Variants in ETV1 observed in about 807,000 individuals in gnomAD.
ETV1 encodes ETS variant transcription factor 1, also known as ETS translocation variant 1.
Under a neutral mutation model 62.3 loss-of-function variants are expected in ETV1, and 27 were observed. The ratio of observed to expected loss-of-function variants is 0.43; its 90% confidence interval spans 0.32 to 0.60. The LOEUF is 0.60. Ranked by LOEUF, ETV1 falls within the 20% of genes least tolerant of loss-of-function variation. ETV1 has a pLI of 0.06. For missense variants in ETV1, 605 were observed against 605.8 expected, an observed-to-expected ratio of 1.00 and a Z score of 0.01; for synonymous variants, 222 against 199.6, an observed-to-expected ratio of 1.11 and a Z score of -0.94.
rs1372656163 is a variant in ETV1, at chr7:13,900,847, G to A, written c.1111-8C>T. 9 of 1,575,948 alleles carry A rather than the reference G, an allele frequency of 5.7e-6. No homozygotes were observed. The highest frequency in any genetic ancestry group is 4.0e-5 in the African/African-American group (3 of 74,154). On this transcript the variant is annotated splice_polypyrimidine_tract_variant and splice_region_variant and intron_variant, in intron 12 of 13. Coordinates refer to ENST00000430479, the MANE Select transcript of ETV1 (RefSeq NM_004956.5). ...GCCCCAACGTCGGGCCACCTGCCGC[G>A]AAACAGAATTACATTGTAGTGTTAA...
In ETV1 at chr7:13,894,025, T is replaced by G. The variant is rs963580565; in HGVS notation, c.*1841A>C. 6 of 232,832 alleles carry G rather than the reference T, an allele frequency of 2.6e-5. No individual in the cohort carries two copies. Among genetic ancestry groups the G allele is most frequent in the Admixed American group, 1.1e-4 (2 of 17,772 alleles). 14.4% of individuals were successfully genotyped at this position (232,832 alleles called of 1,614,324 possible). The stretch of plus-strand genomic sequence containing the variant: ...TTGGGTTTCTTGATAACTGCTCCAC[T>G]TAGAGAAATGAGCTGTGATCTGTGT... On this transcript the variant is annotated 3_prime_UTR_variant, in exon 14 of 14. Transcript: ENST00000430479.
At chr7:13,971,273 A>G (rs1423112656) in intron 6 of ETV1, among the ~76,000 whole-genome samples, 3 of 152,026 alleles carry the variant, frequency 2.0e-5, no homozygotes, top group African/African-American at 4.8e-5. Flanking sequence ...GCCCGACCCA[A>G]ATGCTATTCT....
At chr7:13,908,190 A>G (rs1041693173) in intron 11 of ETV1, among the ~76,000 whole-genome samples, 5 of 152,148 alleles carry the variant, frequency 3.3e-5, no homozygotes, top group Non-Finnish European at 5.9e-5. Context: ...GGCAAATACT[A>G]TCTTCCAAAA....
intron 5 of ETV1, chr7:13,986,043 G>T: frequency 8.2e-7 from 1 of 1,217,700 alleles, no homozygotes; most frequent in Non-Finnish European, 1.2e-6. Context: ...GTAACACATG[G>T]AAAACATTTT....
intron 9 of ETV1, among the ~76,000 whole-genome samples, chr7:13,926,310 T>TA (rs1264905897): frequency 1.3e-5 from 2 of 152,048 alleles, no homozygotes; most frequent in Non-Finnish European, 1.5e-5. Flanking sequence ...CACTACTCCC[T>TA]AAAAAAATCT....
intron 9 of ETV1, among the ~76,000 whole-genome samples, chr7:13,923,963 A>G (rs1379605660): frequency 6.6e-6 from 1 of 152,080 alleles, no homozygotes; most frequent in African/African-American, 2.4e-5. Flanking sequence ...TGAATCAGGG[A>G]GGCGGAGGTT....
At chr7:13,947,053 G>A (rs1311527878) in intron 6 of ETV1, among the ~76,000 whole-genome samples, 1 of 152,174 alleles carries the variant, frequency 6.6e-6, no homozygotes, top group Non-Finnish European at 1.5e-5. Flanking sequence ...TGGGATTATA[G>A]GCGTGAGCCA....
chr7:13,960,791 G>A (rs1790076064), intron 6 of ETV1, among the ~76,000 whole-genome samples: 1 of 152,092 alleles, frequency 6.6e-6, no homozygotes, highest in Non-Finnish European at 1.5e-5. Context: ...TCCAATTGAT[G>A]AAACTCAAAT....
In ETV1 at chr7:13,892,316, C is replaced by G. The variant is rs1033787486; in HGVS notation, c.*3550G>C. On this transcript the variant is annotated 3_prime_UTR_variant, in exon 14 of 14. Coordinates refer to ENST00000430479, the MANE Select transcript of ETV1 (RefSeq NM_004956.5). ...GGGGCTGGGGAAGGATTTGAATAATCTAAAGGCTTGATGTGATTACCAGAC... is the reference window on the plus strand; with the variant it reads ...GGGGCTGGGGAAGGATTTGAATAATGTAAAGGCTTGATGTGATTACCAGAC... 2.6e-5 allele frequency: 6 copies of G among 232,394 alleles called. No homozygotes were observed. The highest frequency in any genetic ancestry group is 1.3e-4 in the African/African-American group (6 of 45,240). 14.4% of individuals were successfully genotyped at this position (232,394 alleles called of 1,614,324 possible).
chr7:13,936,381 G>C (rs976160589), intron 7 of ETV1, among the ~76,000 whole-genome samples: 2 of 152,128 alleles, frequency 1.3e-5, no homozygotes, highest in Non-Finnish European at 2.9e-5. Context: ...ATTTTAAGAA[G>C]GCAATGCTTT....
At chr7:13,916,573 G>A (rs1027706079) in intron 9 of ETV1, among the ~76,000 whole-genome samples, 5 of 152,038 alleles carry the variant, frequency 3.3e-5, no homozygotes, top group African/African-American at 1.2e-4. Flanking sequence ...AGGAGCCGGA[G>A]GTTTCAGTAA....
intron 7 of ETV1, among the ~76,000 whole-genome samples, chr7:13,938,473 A>G (rs1299163205): frequency 2.2e-5 from 3 of 135,318 alleles, no homozygotes; most frequent in Non-Finnish European, 4.5e-5. Context: ...CAGTAGAGAC[A>G]GCCAACTTTT....
At chr7:13,952,214 T>C (rs1788904793) in intron 6 of ETV1, among the ~76,000 whole-genome samples, 1 of 152,136 alleles carries the variant, frequency 6.6e-6, no homozygotes, top group African/African-American at 2.4e-5. Context: ...GGACTAACTG[T>C]GCAACCTCCC....
In ETV1 at chr7:13,891,809, T is replaced by G. The variant is rs1302347245; in HGVS notation, c.*4057A>C. ...CCAATTTGTATTTTTTTAATAATTC[T>G]ATTTCCTCTCTTCTCCATACCAAAT... On this transcript the variant is annotated 3_prime_UTR_variant, in exon 14 of 14. Coordinates refer to ENST00000430479, the MANE Select transcript of ETV1 (RefSeq NM_004956.5). The G allele has an allele frequency of 4.3e-6, 1 of 231,892 alleles. No individual in the cohort carries two copies. The highest frequency in any genetic ancestry group is 2.2e-5 in the African/African-American group (1 of 45,316). 14.4% of individuals were successfully genotyped at this position (231,892 alleles called of 1,614,324 possible).
In ETV1 at chr7:13,911,321, CA is replaced by C; in HGVS notation, c.803-15del. 1 of 1,596,130 alleles carries C rather than the reference CA, an allele frequency of 6.3e-7. No homozygotes were observed. Among genetic ancestry groups the C allele is most frequent in the Non-Finnish European group, 8.6e-7 (1 of 1,165,276 alleles). ...AGCTAGGCACTTCTGAAAGAGGAAA[CA>C]ATATTGGTCAAAAAGAGTCTGGAGC... On this transcript the variant is annotated splice_polypyrimidine_tract_variant and intron_variant, in intron 9 of 13. Coordinates refer to ENST00000430479, the MANE Select transcript of ETV1 (RefSeq NM_004956.5).
chr7:13,950,576 A>G (rs1450618292), intron 6 of ETV1, among the ~76,000 whole-genome samples: 3 of 152,158 alleles, frequency 2.0e-5, no homozygotes, highest in Non-Finnish European at 4.4e-5. Context: ...GCAGCCTCAT[A>G]AGGCAGCTGT....
chr7:13,894,001 T>C lies in ETV1; in HGVS notation c.*1865A>G, dbSNP rs577888859. The stretch of plus-strand genomic sequence containing the variant: ...TGTGAAGAGTAGCAATTTTGGTGTT[T>C]GGGTTTCTTGATAACTGCTCCACTT... On this transcript the variant is annotated 3_prime_UTR_variant, in exon 14 of 14. Transcript: ENST00000430479. 20 of 232,966 alleles carry C rather than the reference T, an allele frequency of 8.6e-5. No individual in the cohort carries two copies. The highest frequency in any genetic ancestry group is 4.4e-4 in the African/African-American group (20 of 45,450). The allele number at this position is 232,966 out of a possible 1,614,324, so 14.4% of individuals were successfully genotyped here.
intron 9 of ETV1, among the ~76,000 whole-genome samples, chr7:13,930,128 C>A (rs1218231681): frequency 6.6e-6 from 1 of 152,094 alleles, no homozygotes; most frequent in East Asian, 1.9e-4. Context: ...ATAATGTTAA[C>A]AATATTTTAC....
At chr7:13,959,181 T>G (rs1789854589) in intron 6 of ETV1, 1 of 152,164 alleles carries the variant, frequency 6.6e-6, no homozygotes, top group African/African-American at 2.4e-5. Flanking sequence ...TTATCCTCCT[T>G]ACACATCTAT....
Sources: allele counts gnomAD v4.1 joint callset (sites outside exome capture counted in the v4.1 genomes callset), GRCh38; gene constraint gnomAD v4.1.1; transcripts MANE v1.5; gene names NCBI Gene and HGNC (gene_info 2026-07-23, HGNC 2026-07-21).